ROR2: variants seen among roughly 807,000 people sequenced by gnomAD.
The protein encoded by ROR2 is ROR family WNT receptor 2.
Under a neutral mutation model 74.9 loss-of-function variants are expected in ROR2, and 33 were observed. The ratio of observed to expected loss-of-function variants is 0.44; its 90% confidence interval spans 0.33 to 0.59. The LOEUF is 0.59. Among genes scored for constraint, ROR2 ranks in the 20% least tolerant of loss-of-function variants. ROR2 has a pLI of 0.02. For synonymous variants in ROR2, 586 were observed against 558.7 expected (o/e 1.05, Z -0.69); for missense variants, 1,216 against 1,313.8 (o/e 0.93, Z 1.15).
chr9:91,912,315 T>C (rs190313575), intron 1 of ROR2, among the ~76,000 whole-genome samples: 149 of 152,328 alleles, frequency 9.8e-4, no homozygotes, highest in African/African-American at 3.5e-3. Flanking sequence ...GCCTAAAATT[T>C]CCTACTTATT....
At chr9:91,915,280 C>G (rs2119442548) in intron 1 of ROR2, among the ~76,000 whole-genome samples, 1 of 152,326 alleles carries the variant, frequency 6.6e-6, no homozygotes, top group Middle Eastern at 3.4e-3. Flanking sequence ...CCCCTTTTAA[C>G]TGGAATCATC....
chr9:91,789,668 A>C (rs1826910851), intron 1 of ROR2, among the ~76,000 whole-genome samples: 1 of 152,228 alleles, frequency 6.6e-6, no homozygotes, highest in South Asian at 2.1e-4. Flanking sequence ...GTCACTAAGA[A>C]AATAACCCCA....
At chr9:91,875,014 A>T (rs903459253) in intron 1 of ROR2, among the ~76,000 whole-genome samples, 1 of 152,200 alleles carries the variant, frequency 6.6e-6, no homozygotes, top group South Asian at 2.1e-4. Context: ...ACCTCAAAAA[A>T]TTGGTAAATT....
Position 91,819,417 on chromosome 9 carries a change from G to A in ROR2, c.98-43599C>T, listed in dbSNP as rs1828058892. On this transcript the variant is annotated intron_variant, in intron 1 of 8. Coordinates refer to ENST00000375708, the MANE Select transcript of ROR2 (RefSeq NM_004560.4). ...CGTGTCTACGTGTGTGTCTTTGAGT[G>A]TGTCTGTTAGTCTCTGTGTGTGTTC... 2.0e-5 allele frequency among the ~76,000 whole-genome samples: 3 copies of A among 152,166 alleles called. 1 individual carries two copies. The highest frequency in any genetic ancestry group is 2.0e-4 in the Admixed American group (3 of 15,274).
At chr9:91,806,545 A>C (rs111625207) in intron 1 of ROR2, among the ~76,000 whole-genome samples, 1 of 152,328 alleles carries the variant, frequency 6.6e-6, no homozygotes, top group African/African-American at 2.4e-5. Context: ...AGAGGAAAAC[A>C]GCAAGTTCTA....
intron 1 of ROR2, among the ~76,000 whole-genome samples, chr9:91,885,614 A>C (rs1249681761): frequency 1.3e-5 from 2 of 152,178 alleles, no homozygotes; most frequent in African/African-American, 4.8e-5. Context: ...TCCCCGCCAA[A>C]ATGTAATTCC....
intron 1 of ROR2, among the ~76,000 whole-genome samples, chr9:91,860,626 G>A (rs1829442898): frequency 6.6e-6 from 1 of 152,240 alleles, no homozygotes; most frequent in Non-Finnish European, 1.5e-5. Flanking sequence ...TAAGAACCCA[G>A]GGAGCCATGT....
chr9:91,871,582 G>A (rs890631038), intron 1 of ROR2, among the ~76,000 whole-genome samples: 8 of 152,066 alleles, frequency 5.3e-5, no homozygotes, highest in Non-Finnish European at 8.8e-5. Flanking sequence ...TGGTGTCCCC[G>A]ACACTCCCCC....
At chr9:91,739,052 G>C (rs1184078258) in intron 4 of ROR2, among the ~76,000 whole-genome samples, 4 of 152,236 alleles carry the variant, frequency 2.6e-5, no homozygotes, top group African/African-American at 7.2e-5. Flanking sequence ...ACTGCTGGCA[G>C]AAGAGGGGAC....
chr9:91,799,546 C>T (rs936352942), intron 1 of ROR2, among the ~76,000 whole-genome samples: 2 of 152,308 alleles, frequency 1.3e-5, no homozygotes, highest in Admixed American at 1.3e-4. Flanking sequence ...AAACGGAGCC[C>T]TTAGGAGGTT....
At chr9:91,946,602 G>A (rs553143414) in intron 1 of ROR2, among the ~76,000 whole-genome samples, 5 of 152,336 alleles carry the variant, frequency 3.3e-5, no homozygotes, top group Admixed American at 1.3e-4. Flanking sequence ...AGTTTGTAGC[G>A]TTAACTTTCT....
chr9:91,899,260 G>C (rs935757927), intron 1 of ROR2, among the ~76,000 whole-genome samples: 1 of 152,222 alleles, frequency 6.6e-6, no homozygotes, highest in Non-Finnish European at 1.5e-5. Context: ...TATCTGCTGG[G>C]AGCCTCTGCA....
chr9:91,806,801 G>C (rs540893006), intron 1 of ROR2, among the ~76,000 whole-genome samples: 1 of 152,272 alleles, frequency 6.6e-6, no homozygotes, highest in East Asian at 1.9e-4. Flanking sequence ...GTGTTAGCCA[G>C]GATGGTCTCG....
intron 7 of ROR2, among the ~76,000 whole-genome samples, chr9:91,727,040 G>A (rs1564232560): frequency 6.6e-6 from 1 of 152,154 alleles, no homozygotes; most frequent in African/African-American, 2.4e-5. Context: ...GACCACATCC[G>A]CTTTCTGTTC....
chr9:91,796,514 A>G (rs1827174971), intron 1 of ROR2, among the ~76,000 whole-genome samples: 1 of 151,858 alleles, frequency 6.6e-6, no homozygotes, highest in Non-Finnish European at 1.5e-5. Context: ...TCACTCTACA[A>G]TTTTTGTGTC....
chr9:91,726,718 C>A lies in ROR2; in HGVS notation c.1209G>T (p.Gly403=). The A allele has an allele frequency of 1.2e-6, 2 of 1,614,008 alleles. No individual in the cohort carries two copies. Among genetic ancestry groups the A allele is most frequent in the Middle Eastern group, 1.6e-4 (1 of 6,062 alleles). ...TGCTGGGGACCAAGATGTACAGAAT[C>A]CCCATCTTGCTGCTGTCTCGGGGAC... ...SCSPRDSSKM[G]ILYILVPSIA... Residue 403 remains glycine, a synonymous_variant, in exon 8 of 9, where the codon GGG becomes GGT. Coordinates refer to ENST00000375708, the MANE Select transcript of ROR2 (RefSeq NM_004560.4).
At chr9:91,790,784 C>T (rs1018708235) in intron 1 of ROR2, among the ~76,000 whole-genome samples, 2 of 152,024 alleles carry the variant, frequency 1.3e-5, no homozygotes, top group East Asian at 1.9e-4. Context: ...TGGAGGTGGA[C>T]GACAGTGATA....
At chr9:91,825,763 G>A (rs1013010224) in intron 1 of ROR2, among the ~76,000 whole-genome samples, 2 of 152,118 alleles carry the variant, frequency 1.3e-5, no homozygotes, top group South Asian at 2.1e-4. Context: ...AAGTGGGGGA[G>A]GGTAGGATGG....
At chr9:91,763,315 G>A (rs530533798) in intron 2 of ROR2, among the ~76,000 whole-genome samples, 7 of 152,230 alleles carry the variant, frequency 4.6e-5, no homozygotes, top group African/African-American at 9.6e-5. Context: ...ATGTACCTCC[G>A]AACCTAAAAT....
Sources: gnomAD v4.1 joint callset for allele counts (sites outside exome capture counted in the v4.1 genomes callset) on GRCh38, gnomAD v4.1.1 for gene constraint, MANE v1.5 for transcripts, NCBI Gene and HGNC (gene_info 2026-07-23, HGNC 2026-07-21) for gene names.